The following TRIM2 variants were observed in gnomAD, a reference collection of about 807,000 sequenced individuals.
TRIM2 encodes tripartite motif-containing protein 2.
Under a neutral mutation model 75.2 loss-of-function variants are expected in TRIM2, and 20 were observed. That is an observed-to-expected ratio of 0.27 (90% CI 0.19 to 0.39). The LOEUF (loss-of-function observed/expected upper bound fraction) is 0.39. TRIM2 is among the 10% of genes least tolerant of loss of function. TRIM2 has a pLI of 1.00. For missense variants in TRIM2, 660 were observed against 990.8 expected (o/e 0.67, Z 4.48); for synonymous variants, 373 against 388.3 (o/e 0.96, Z 0.46).
chr4:153,284,110 C>G (rs1441741016), intron 3 of TRIM2, among the ~76,000 whole-genome samples: 1 of 151,580 alleles, frequency 6.6e-6, no homozygotes, highest in Non-Finnish European at 1.5e-5. Flanking sequence ...AACTCCTGAC[C>G]TCAGGTGATC....
intron 11 of TRIM2, among the ~76,000 whole-genome samples, chr4:153,329,292 A>G (rs1161965506): frequency 6.6e-6 from 1 of 152,046 alleles, no homozygotes; most frequent in Non-Finnish European, 1.5e-5. Context: ...TTAAAACACT[A>G]TTGTGCTAAA....
upstream of TRIM2, among the ~76,000 whole-genome samples, chr4:153,201,304 T>C (rs572156161): frequency 3.3e-5 from 5 of 152,290 alleles, no homozygotes; most frequent in African/African-American, 1.2e-4. Flanking sequence ...TGACTAATGT[T>C]GAGCATCTTT....
chr4:153,155,983 AT>A (rs1251152096), intron 1 of TRIM2, among the ~76,000 whole-genome samples: 1 of 152,222 alleles, frequency 6.6e-6, no homozygotes, highest in Non-Finnish European at 1.5e-5. Flanking sequence ...TGTTCTCCAG[AT>A]CTTCTGATTT....
rs1289938543 is a variant in TRIM2 at position 153,244,388 on chromosome 4, TTC to T, written c.31-25945_31-25944del. On this transcript the variant is annotated intron_variant, in intron 1 of 11. Coordinates refer to ENST00000338700, the MANE Select transcript of TRIM2 (RefSeq NM_015271.5). ...CTTCTTCTTCTTCTTCTTCTTCTTCTTCTTCTTCTTCTTCTTCTTCTTCTTCT... is the reference window on the plus strand; with the variant it reads ...CTTCTTCTTCTTCTTCTTCTTCTTCTTTCTTCTTCTTCTTCTTCTTCTTCT... Among the ~76,000 whole-genome samples the T allele has an allele frequency of 9.6e-4, 72 of 75,038 alleles. 7 individuals carry two copies. Among genetic ancestry groups the T allele is most frequent in the Non-Finnish European group, 1.4e-3 (59 of 43,066 alleles). The allele number at this position is 75,038 out of a possible 152,430, so 49.2% of individuals were successfully genotyped here.
intron 11 of TRIM2, among the ~76,000 whole-genome samples, chr4:153,334,295 G>A (rs960523050): frequency 2.6e-5 from 4 of 152,036 alleles, no homozygotes; most frequent in African/African-American, 9.7e-5. Context: ...AAGGTAAGTG[G>A]AGAGTAGGAT....
At chr4:153,192,021 C>T (rs552301832) in intron 1 of TRIM2, among the ~76,000 whole-genome samples, 10 of 152,272 alleles carry the variant, frequency 6.6e-5, no homozygotes, top group African/African-American at 2.4e-4. Context: ...CAGTTACTCT[C>T]TGTGAATCTC....
At position 153,235,325 on chromosome 4, in the gene TRIM2, C is replaced by A. The variant is rs145165094; in HGVS notation, c.30+30765C>A. 6.1e-3 allele frequency among the ~76,000 whole-genome samples: 921 copies of A among 151,482 alleles called. 8 individuals carry two copies. Among genetic ancestry groups the A allele is most frequent in the Non-Finnish European group, 0.01 (687 of 67,910 alleles). ...TTTGAGACAAGGTCTTGCTCTGTTG[C>A]CCAGGTTGGAGTGCAGTGGCATGAT... On this transcript the variant is annotated intron_variant, in intron 1 of 11. Transcript: ENST00000338700.
At position 153,295,060 on chromosome 4, in the gene TRIM2, T is replaced by C. The variant is rs893952052; in HGVS notation, c.787-253T>C. ...TGGTAGTGACCTTTCTGTTTTCCCCTCTCCAAAACACATGAGCCAAGAAAT... is the reference window on the plus strand; with the variant it reads ...TGGTAGTGACCTTTCTGTTTTCCCCCCTCCAAAACACATGAGCCAAGAAAT... On this transcript the variant is annotated intron_variant, in intron 5 of 11. Coordinates refer to ENST00000338700, the MANE Select transcript of TRIM2 (RefSeq NM_015271.5). This position sits in a 1 kb window ranked among gnomAD's most constrained non-coding sequence, Gnocchi z 7.2. Among the ~76,000 whole-genome samples, 6 of 152,222 alleles carry C rather than the reference T, an allele frequency of 3.9e-5. No individual in the cohort carries two copies. The South Asian group carries it at 1.0e-3, about 26-fold the overall frequency.
rs954653384 is a variant in TRIM2 at position 153,337,392 on chromosome 4, A to AT, written c.*2434dup. ...CAATAGTAGACTGAATACAAAGCTA[A>AT]TTTTTTTTACATGTCAATATTGGCA... On this transcript the variant is annotated 3_prime_UTR_variant, in exon 12 of 12. Coordinates refer to ENST00000338700, the MANE Select transcript of TRIM2 (RefSeq NM_015271.5). 18 of 985,700 alleles carry AT rather than the reference A, an allele frequency of 1.8e-5. No individual in the cohort carries two copies. The South Asian group carries it at 7.0e-4, about 39-fold the overall frequency. The allele number at this position is 985,700 out of a possible 1,614,324, so 61.1% of individuals were successfully genotyped here. A position where few individuals can be genotyped will look rare whatever the true frequency, so the allele number is the denominator to read the frequency against.
intron 1 of TRIM2, among the ~76,000 whole-genome samples, chr4:153,217,978 T>G (rs1294607211): frequency 6.6e-6 from 1 of 152,230 alleles, no homozygotes; most frequent in Admixed American, 6.5e-5. Flanking sequence ...GAAGTTATTA[T>G]TTTCTTCCTA....
chr4:153,248,094 C>A lies in TRIM2; in HGVS notation c.31-22241C>A, dbSNP rs1169919391. Among the ~76,000 whole-genome samples, 1 of 148,886 alleles carries A rather than the reference C, an allele frequency of 6.7e-6. No homozygotes were observed. The highest frequency in any genetic ancestry group is 2.0e-4 in the East Asian group (1 of 5,032). ...CACTGGCGCGTCCGCCTCTGGGATT[C>A]AAGCGATTCTTGTGCTTCAGCCTCC... On this transcript the variant is annotated intron_variant, in intron 1 of 11. Transcript: ENST00000338700. This position sits in a 1 kb window ranked among gnomAD's most constrained non-coding sequence, Gnocchi z 4.0.
intron 1 of TRIM2, among the ~76,000 whole-genome samples, chr4:153,264,683 A>G (rs1480501359): frequency 3.9e-5 from 6 of 152,224 alleles, no homozygotes; most frequent in African/African-American, 1.4e-4. Flanking sequence ...CTCATGACAT[A>G]TTCGGACTGA....
intron 6 of TRIM2, chr4:153,310,262 A>G (rs1430050706): frequency 6.6e-6 from 1 of 152,192 alleles, no homozygotes; most frequent in Non-Finnish European, 1.5e-5. Flanking sequence ...ATAGAAAAAT[A>G]TTTTATAAGT....
At chr4:153,328,495 T>C (rs774750490) in intron 10 of TRIM2, 35 bp from the exon 11 acceptor site, 10 of 1,568,892 alleles carry the variant, frequency 6.4e-6, no homozygotes, top group Non-Finnish European at 8.6e-6. Flanking sequence ...AGTATTTTGA[T>C]GTAAAACAAA....
intron 1 of TRIM2, among the ~76,000 whole-genome samples, chr4:153,188,805 T>C (rs557337444): frequency 6.6e-6 from 1 of 152,288 alleles, no homozygotes; most frequent in South Asian, 2.1e-4. Flanking sequence ...TTCTGTCCTG[T>C]CCTGTGTTCA....
chr4:153,242,378 A>C (rs1746875489), intron 1 of TRIM2, among the ~76,000 whole-genome samples: 1 of 150,844 alleles, frequency 6.6e-6, no homozygotes, highest in Non-Finnish European at 1.5e-5. Flanking sequence ...CCCCTCTAAC[A>C]GGATGTCGTG....
At chr4:153,181,704 G>A (rs1035592669) in intron 1 of TRIM2, among the ~76,000 whole-genome samples, 6 of 152,166 alleles carry the variant, frequency 3.9e-5, no homozygotes, top group Non-Finnish European at 7.4e-5. Flanking sequence ...TTCTTGTCTC[G>A]TGTGGACTCA....
chr4:153,195,211 G>T (rs1733643588), intron 1 of TRIM2, among the ~76,000 whole-genome samples: 1 of 152,170 alleles, frequency 6.6e-6, no homozygotes, highest in Non-Finnish European at 1.5e-5. Flanking sequence ...GTTCCTGCAA[G>T]CCAAGGAACA....
chr4:153,317,538 G>C (rs753090018), intron 8 of TRIM2, among the ~76,000 whole-genome samples: 2 of 151,760 alleles, frequency 1.3e-5, no homozygotes, highest in Non-Finnish European at 2.9e-5. Flanking sequence ...AGTCCCAGCT[G>C]CTGGGGAGGC....
Sources: gnomAD v4.1 joint callset for allele counts (sites outside exome capture counted in the v4.1 genomes callset) on GRCh38, gnomAD v4.1.1 for gene constraint, Gnocchi (gnomAD v3.1) non-coding constraint, MANE v1.5 for transcripts, NCBI Gene and HGNC (gene_info 2026-07-23, HGNC 2026-07-21) for gene names.